ADGRB3: variants seen among roughly 807,000 people sequenced by gnomAD.
The protein encoded by ADGRB3 is adhesion G protein-coupled receptor B3.
ADGRB3 carries 37 observed loss-of-function variants against 193.4 expected under a neutral mutation model. That is an observed-to-expected ratio of 0.19 (90% CI 0.15 to 0.25). The LOEUF (loss-of-function observed/expected upper bound fraction) is 0.25, where lower values mean the gene tolerates loss of function less well. Among genes scored for constraint, ADGRB3 ranks in the 10% least tolerant of loss-of-function variants. The pLI is 1.00. For missense variants in ADGRB3, 1,637 were observed against 1,852.9 expected, an observed-to-expected ratio of 0.88 and a Z score of 2.14; for synonymous variants, 690 against 644.2, an observed-to-expected ratio of 1.07 and a Z score of -1.08.
chr6:68,905,216 A>G (rs1291015300), intron 3 of ADGRB3, among the ~76,000 whole-genome samples: 1 of 152,154 alleles, frequency 6.6e-6, no homozygotes, highest in Admixed American at 6.6e-5. Flanking sequence ...GTTGTGGTTT[A>G]TTTGAGTTCT....
intron 11 of ADGRB3, among the ~76,000 whole-genome samples, chr6:68,996,884 A>T (rs971279093): frequency 3.9e-5 from 6 of 152,186 alleles, no homozygotes; most frequent in African/African-American, 1.2e-4. Context: ...TGTTCAACAA[A>T]TGTTTGTTGA....
chr6:68,763,255 T>G (rs1391010423), intron 3 of ADGRB3, among the ~76,000 whole-genome samples: 1 of 152,136 alleles, frequency 6.6e-6, no homozygotes, highest in Non-Finnish European at 1.5e-5. Flanking sequence ...AATGCCTAGC[T>G]AATTTTTATA....
At chr6:69,187,069 C>T (rs1240502354) in intron 17 of ADGRB3, among the ~76,000 whole-genome samples, 1 of 151,302 alleles carries the variant, frequency 6.6e-6, no homozygotes, top group Admixed American at 6.6e-5. Flanking sequence ...TTCTGATTTC[C>T]CCTCTTTTTT....
rs185997250 is a variant in ADGRB3 at position 68,996,777 on chromosome 6, A to G, written c.1929+2815A>G. Reference sequence around the variant, plus strand: ...TCAGCACTAATTAGCAAATCTTCGGAAAAAAAGACATGTTTCTGATCCATC... The same window carrying G: ...TCAGCACTAATTAGCAAATCTTCGGGAAAAAAGACATGTTTCTGATCCATC... On this transcript the variant is annotated intron_variant, in intron 11 of 31. Transcript: ENST00000370598. Among the ~76,000 whole-genome samples, 656 of 152,196 alleles carry G rather than the reference A, an allele frequency of 4.3e-3. 7 individuals are homozygous for G. The highest frequency in any genetic ancestry group is 0.015 in the African/African-American group (637 of 41,522).
At chr6:68,942,666 A>G (rs944431805) in intron 5 of ADGRB3, among the ~76,000 whole-genome samples, 2 of 151,964 alleles carry the variant, frequency 1.3e-5, no homozygotes, top group Non-Finnish European at 2.9e-5. Context: ...GCTGGAGTGC[A>G]GTGGCATGAT....
At chr6:68,694,483 G>T (rs144697439) in intron 3 of ADGRB3, among the ~76,000 whole-genome samples, 148 of 151,938 alleles carry the variant, frequency 9.7e-4, no homozygotes, top group Non-Finnish European at 1.6e-3. Context: ...GGAGTGAGGT[G>T]GGGGGAGGTG....
chr6:69,071,053 G>A (rs987668271), intron 16 of ADGRB3, among the ~76,000 whole-genome samples: 3 of 152,140 alleles, frequency 2.0e-5, no homozygotes, highest in African/African-American at 7.2e-5. Flanking sequence ...ATGAGGCAGG[G>A]ACTTAGTTTT....
intron 19 of ADGRB3, among the ~76,000 whole-genome samples, chr6:69,238,341 A>C (rs1232752235): frequency 6.6e-6 from 1 of 152,108 alleles, no homozygotes; most frequent in Non-Finnish European, 1.5e-5. Flanking sequence ...TTACTCTTTC[A>C]GGGTAAACAG....
intron 20 of ADGRB3, among the ~76,000 whole-genome samples, chr6:69,259,531 T>TA (rs1273033233): frequency 6.6e-6 from 1 of 151,596 alleles, no homozygotes; most frequent in African/African-American, 2.4e-5. Context: ...CAGTCTCTGC[T>TA]AAAAAACGCA....
chr6:68,907,291 T>C (rs568248097), intron 3 of ADGRB3, among the ~76,000 whole-genome samples: 1 of 152,090 alleles, frequency 6.6e-6, no homozygotes, highest in African/African-American at 2.4e-5. Context: ...AATTATTAAT[T>C]CTACTGGTTT....
intron 3 of ADGRB3, among the ~76,000 whole-genome samples, chr6:68,647,981 G>C (rs971403672): frequency 6.6e-6 from 1 of 152,042 alleles, no homozygotes; most frequent in Non-Finnish European, 1.5e-5. Context: ...ATCAATTTGA[G>C]AATTCTGATA....
At chr6:68,956,219 C>T in intron 7 of ADGRB3, 31 bp downstream of exon 7, 1 of 1,573,944 alleles carries the variant, frequency 6.4e-7, no homozygotes. Context: ...ATCATGGGCA[C>T]TCGTACCATG....
chr6:69,371,897 A>G (rs1209879386), intron 29 of ADGRB3, among the ~76,000 whole-genome samples: 1 of 152,120 alleles, frequency 6.6e-6, no homozygotes, highest in Non-Finnish European at 1.5e-5. Flanking sequence ...ATCAAATTAC[A>G]AGAAATATGT....
intron 10 of ADGRB3, among the ~76,000 whole-genome samples, chr6:68,991,572 A>C (rs541418108): frequency 3.4e-5 from 5 of 146,502 alleles, no homozygotes; most frequent in African/African-American, 4.9e-5. Flanking sequence ...CGCTCCCACA[A>C]AAAAAAAAAA....
intron 17 of ADGRB3, among the ~76,000 whole-genome samples, chr6:69,199,528 A>G (rs1765375095): frequency 6.6e-6 from 1 of 152,082 alleles, no homozygotes. Flanking sequence ...AAAAAATGTA[A>G]TTTTCTTGGC....
intron 3 of ADGRB3, among the ~76,000 whole-genome samples, chr6:68,900,274 A>T (rs1226751059): frequency 6.6e-6 from 1 of 152,176 alleles, no homozygotes; most frequent in Non-Finnish European, 1.5e-5. Flanking sequence ...TTGATCTGTT[A>T]CCTTATTTCT....
intron 20 of ADGRB3, among the ~76,000 whole-genome samples, chr6:69,323,858 G>C (rs1320750800): frequency 1.3e-5 from 2 of 152,044 alleles, no homozygotes; most frequent in African/African-American, 2.4e-5. Context: ...ATTAGCAGTG[G>C]ATGGTGGTAG....
In ADGRB3 at chr6:69,235,120, A is replaced by G. The variant is rs376669265; in HGVS notation, c.2696A>G (p.Tyr899Cys). ...GCCTTGATTACCCTAGCAGTTGTCTATGCAGCATTATGGAGGTAAGTAATC... is the reference window on the plus strand; with the variant it reads ...GCCTTGATTACCCTAGCAGTTGTCTGTGCAGCATTATGGAGGTAAGTAATC... ...CLALITLAVV[Y>C]AALWRYIRSE... Residue 899 changes from tyrosine to cysteine, a missense_variant, in exon 19 of 32, where the codon TAT becomes TGT. Tyr to Cys is a radical substitution (Grantham distance 194). Around this residue, in one of 7 missense-constraint regions of ADGRB3, gnomAD observed 641 missense variants for 673.9 expected, o/e 0.95. Coordinates refer to ENST00000370598, the MANE Select transcript of ADGRB3 (RefSeq NM_001704.3). 1 of 1,606,172 alleles carries G rather than the reference A, an allele frequency of 6.2e-7. No homozygotes were observed. The highest frequency in any genetic ancestry group is 8.5e-7 in the Non-Finnish European group (1 of 1,172,986).
In ADGRB3 at chr6:68,930,626, C is replaced by T. The variant is rs1262720652; in HGVS notation, c.825C>T (p.Val275=). 8.1e-6 allele frequency: 13 copies of T among 1,612,310 alleles called. No homozygotes were observed. Among genetic ancestry groups the T allele is most frequent in the Non-Finnish European group, 1.1e-5 (13 of 1,179,078 alleles). ...CTCGATCTGTTCATGAAAAAAGGGT[C>T]CCTCAGGAACAAGCTGATGCTGCTA... ...QRPRSVHEKR[V]PQEQADAAKF... is the part of the protein sequence containing the mutation. The change falls in exon 4 of 32, where the codon GTC becomes GTT. Residue 275 remains valine (V), a synonymous_variant. Coordinates refer to ENST00000370598, the MANE Select transcript of ADGRB3 (RefSeq NM_001704.3).
Sources: gnomAD v4.1 joint callset for allele counts (sites outside exome capture counted in the v4.1 genomes callset) on GRCh38, gnomAD v4.1.1 for gene constraint, gnomAD v4.1.1 regional missense constraint, MANE v1.5 for transcripts, NCBI Gene and HGNC (gene_info 2026-07-23, HGNC 2026-07-21) for gene names.